Variants in CMTM8 observed in about 807,000 individuals in gnomAD.
CMTM8 encodes CKLF-like MARVEL transmembrane domain-containing protein 8.
Under a neutral mutation model 18.6 loss-of-function variants are expected in CMTM8, and 12 were observed. The observed-to-expected ratio is 0.65, with a 90% confidence interval of 0.41 to 1.05. The LOEUF (loss-of-function observed/expected upper bound fraction) is 1.05. Ranked by LOEUF, CMTM8 falls within the 50% of genes least tolerant of loss-of-function variation. CMTM8 has a pLI of 0.00. For synonymous variants in CMTM8, 87 were observed against 90.6 expected (o/e 0.96, Z 0.23); for missense variants, 217 against 227.2 (o/e 0.95, Z 0.29).
chr3:32,279,728 G>T lies in CMTM8; in HGVS notation c.147+40609G>T, dbSNP rs1346289514. ...ATGGCTGGGTCAAATGGTATTTCTA[G>T]TTCTAGATCCCTGAGGAATCGCCAC... On this transcript the variant is annotated intron_variant, in intron 1 of 3. Coordinates refer to ENST00000307526, the MANE Select transcript of CMTM8 (RefSeq NM_178868.5). 4.6e-5 allele frequency among the ~76,000 whole-genome samples: 5 copies of T among 109,194 alleles called. No individual in the cohort carries two copies. In the East Asian group the frequency reaches 1.2e-3, roughly 26 times the overall value. 71.6% of individuals were successfully genotyped at this position (109,194 alleles called of 152,430 possible).
Position 32,297,843 on chromosome 3 carries a change from A to G in CMTM8, c.147+58724A>G, listed in dbSNP as rs114624245. The stretch of plus-strand genomic sequence containing the variant: ...GGGAAAATAAGGTTTGTGTGTGGGA[A>G]GGATTTGGGAAAATGGACTGAGTGT... On this transcript the variant is annotated intron_variant, in intron 1 of 3. Transcript: ENST00000307526. Among the ~76,000 whole-genome samples the G allele has an allele frequency of 1.0e-3, 159 of 152,068 alleles. 1 individual carries two copies. The highest frequency in any genetic ancestry group is 3.7e-3 in the African/African-American group (153 of 41,520).
intron 2 of CMTM8, among the ~76,000 whole-genome samples, chr3:32,366,667 A>C (rs1697044229): frequency 6.6e-6 from 1 of 152,252 alleles, no homozygotes; most frequent in Admixed American, 6.5e-5. Flanking sequence ...TGGCTTGGCA[A>C]GTATTAAATT....
rs998604332 is a variant in CMTM8 at position 32,332,892 on chromosome 3, T to C, written c.148-24481T>C. Among the ~76,000 whole-genome samples, 7 of 152,326 alleles carry C rather than the reference T, an allele frequency of 4.6e-5. 1 individual carries two copies. The South Asian group carries it at 6.2e-4, about 14-fold the overall frequency. On this transcript the variant is annotated intron_variant, in intron 1 of 3. Coordinates refer to ENST00000307526, the MANE Select transcript of CMTM8 (RefSeq NM_178868.5). ...CTTTTATCCTCATTTCTTACTGTTA[T>C]CCTCTCCCCTTCTCCCATGGGCTAC...
At chr3:32,365,859 A>C (rs973500036) in intron 2 of CMTM8, among the ~76,000 whole-genome samples, 2 of 152,202 alleles carry the variant, frequency 1.3e-5, no homozygotes, top group African/African-American at 4.8e-5. Context: ...TCTCTGATCC[A>C]GGGCCTATTT....
intron 1 of CMTM8, among the ~76,000 whole-genome samples, chr3:32,322,959 C>T (rs552119628): frequency 6.6e-6 from 1 of 152,128 alleles, no homozygotes; most frequent in African/African-American, 2.4e-5. Flanking sequence ...GGGGTGGGAC[C>T]TCATGGGATG....
intron 1 of CMTM8, among the ~76,000 whole-genome samples, chr3:32,320,049 T>C (rs532120690): frequency 6.6e-6 from 1 of 152,302 alleles, no homozygotes; most frequent in African/African-American, 2.4e-5. Context: ...GATTCTATGA[T>C]CTAAAAATCT....
chr3:32,350,849 G>C (rs1420861211), intron 1 of CMTM8, among the ~76,000 whole-genome samples: 6 of 151,824 alleles, frequency 4.0e-5, no homozygotes, highest in Non-Finnish European at 5.9e-5. Context: ...AGTAGAGGCG[G>C]GGTTTCACCA....
chr3:32,271,791 T>TAC (rs1702442784), intron 1 of CMTM8, among the ~76,000 whole-genome samples: 1 of 152,240 alleles, frequency 6.6e-6, no homozygotes, highest in African/African-American at 2.4e-5. Context: ...TAGTCTATTA[T>TAC]ACAGGCTAAA....
At chr3:32,253,325 T>C (rs532441593) in intron 1 of CMTM8, among the ~76,000 whole-genome samples, 45 of 150,754 alleles carry the variant, frequency 3.0e-4, no homozygotes, top group African/African-American at 1.1e-3. Context: ...AGCATTTATT[T>C]ATTTTCTTGT....
At chr3:32,303,486 A>G (rs1255157565) in intron 1 of CMTM8, among the ~76,000 whole-genome samples, 1 of 152,166 alleles carries the variant, frequency 6.6e-6, no homozygotes, top group East Asian at 1.9e-4. Context: ...GCCTCCAAAC[A>G]CTTAAAAGTA....
intron 1 of CMTM8, among the ~76,000 whole-genome samples, chr3:32,302,967 C>A (rs952138760): frequency 2.6e-5 from 4 of 152,120 alleles, no homozygotes; most frequent in Non-Finnish European, 5.9e-5. Context: ...ACCCAGGTGG[C>A]CCCATTTTGT....
chr3:32,368,297 G>A (rs1321556132), intron 3 of CMTM8, among the ~76,000 whole-genome samples: 1 of 152,042 alleles, frequency 6.6e-6, no homozygotes, highest in Non-Finnish European at 1.5e-5. Context: ...AGTAAGTGGG[G>A]GAAGGTTGCA....
rs756829991 is a variant in CMTM8, at chr3:32,368,003, A to C, written c.438+15A>C. 2.1e-5 allele frequency: 31 copies of C among 1,503,746 alleles called. No homozygotes were observed. Among genetic ancestry groups the C allele is most frequent in the Middle Eastern group, 1.7e-4 (1 of 5,898 alleles). The allele number at this position is 1,503,746 out of a possible 1,614,324, so 93.2% of individuals were successfully genotyped here. A position where few individuals can be genotyped will look rare whatever the true frequency, so the allele number is the denominator to read the frequency against. ...CGGCCTCATCGGTGAGTAGCCCTCC[A>C]TCCCCACATGATCCTCCTCTTCCCT... On this transcript the variant is annotated intron_variant, in intron 3 of 3. Transcript: ENST00000307526.
chr3:32,282,561 C>T (rs1405202710), intron 1 of CMTM8, among the ~76,000 whole-genome samples: 1 of 152,206 alleles, frequency 6.6e-6, no homozygotes, highest in Non-Finnish European at 1.5e-5. Context: ...CTAACATCCT[C>T]TCTTGTATTA....
At chr3:32,239,807 G>T (rs1701922213) in intron 1 of CMTM8, among the ~76,000 whole-genome samples, 1 of 152,180 alleles carries the variant, frequency 6.6e-6, no homozygotes, top group African/African-American at 2.4e-5. Context: ...CTGGAGTCCT[G>T]TCAGCAGTTA....
chr3:32,338,081 TC>T (rs751611405), intron 1 of CMTM8, among the ~76,000 whole-genome samples: 44 of 151,318 alleles, frequency 2.9e-4, no homozygotes, highest in Non-Finnish European at 5.9e-4. Context: ...CCTCCCAGGT[TC>T]AAATAATTCT....
At chr3:32,310,186 C>G (rs1418583675) in intron 1 of CMTM8, among the ~76,000 whole-genome samples, 1 of 151,310 alleles carries the variant, frequency 6.6e-6, no homozygotes, top group African/African-American at 2.4e-5. Context: ...TCGAATTTAT[C>G]AAGGCTAAAG....
chr3:32,286,464 T>C (rs1702688206), intron 1 of CMTM8, among the ~76,000 whole-genome samples: 1 of 152,126 alleles, frequency 6.6e-6, no homozygotes, highest in South Asian at 2.1e-4. Flanking sequence ...GGAAACTATA[T>C]AATTTGGTGG....
At chr3:32,272,290 A>C (rs1393751182) in intron 1 of CMTM8, among the ~76,000 whole-genome samples, 1 of 152,068 alleles carries the variant, frequency 6.6e-6, no homozygotes, top group Non-Finnish European at 1.5e-5. Context: ...TGTCTAGCTA[A>C]GGTTTTCTTT....
Sources: allele counts gnomAD v4.1 joint callset (sites outside exome capture counted in the v4.1 genomes callset), GRCh38; gene constraint gnomAD v4.1.1; transcripts MANE v1.5; gene names NCBI Gene and HGNC (gene_info 2026-07-23, HGNC 2026-07-21).